SGIP1: variants seen among roughly 807,000 people sequenced by gnomAD.
SGIP1 encodes SH3-containing GRB2-like protein 3-interacting protein 1.
SGIP1 carries 38 observed loss-of-function variants against 107.5 expected under a neutral mutation model. That is an observed-to-expected ratio of 0.35 (90% CI 0.27 to 0.46). The LOEUF (loss-of-function observed/expected upper bound fraction) is 0.46. Among genes scored for constraint, SGIP1 ranks in the 20% least tolerant of loss-of-function variants. The pLI is 1.00. For synonymous variants in SGIP1, 365 were observed against 366.1 expected (o/e 1.00, Z 0.03); for missense variants, 929 against 1,019.5 (o/e 0.91, Z 1.21).
At chr1:66,549,298 G>T (rs2057036835) in intron 1 of SGIP1, among the ~76,000 whole-genome samples, 1 of 151,462 alleles carries the variant, frequency 6.6e-6, no homozygotes. Flanking sequence ...ATTTATTGAG[G>T]TTTCAAATAT....
intron 18 of SGIP1, among the ~76,000 whole-genome samples, chr1:66,711,614 C>T (rs2092925425): frequency 6.6e-6 from 1 of 152,138 alleles, no homozygotes; most frequent in South Asian, 2.1e-4. Flanking sequence ...CACTCTGAGA[C>T]TTTCTGATGT....
chr1:66,591,218 A>G (rs1396720245), intron 1 of SGIP1, among the ~76,000 whole-genome samples: 1 of 152,184 alleles, frequency 6.6e-6, no homozygotes, highest in African/African-American at 2.4e-5. Context: ...TTACCAAACC[A>G]TTTCACCAAC....
At chr1:66,662,440 A>C (rs2081696295) in intron 8 of SGIP1, among the ~76,000 whole-genome samples, 1 of 152,216 alleles carries the variant, frequency 6.6e-6, no homozygotes, top group Admixed American at 6.5e-5. Flanking sequence ...AACATATTGA[A>C]ACACTTTATT....
intron 1 of SGIP1, among the ~76,000 whole-genome samples, chr1:66,537,711 TC>T: frequency 6.6e-6 from 1 of 152,218 alleles, no homozygotes; most frequent in Middle Eastern, 3.4e-3. Context: ...ATTACAATAT[TC>T]AGGATAATTT....
intron 1 of SGIP1, among the ~76,000 whole-genome samples, chr1:66,543,641 T>C (rs1429970664): frequency 6.6e-6 from 1 of 152,268 alleles, no homozygotes; most frequent in African/African-American, 2.4e-5. Context: ...ACACATACAA[T>C]GTGACCATTT....
At chr1:66,657,925 C>A (rs1428470481) in intron 7 of SGIP1, among the ~76,000 whole-genome samples, 1 of 152,048 alleles carries the variant, frequency 6.6e-6, no homozygotes, top group South Asian at 2.1e-4. Flanking sequence ...TTTGTTTTTT[C>A]CTATCTTTGT....
intron 1 of SGIP1, among the ~76,000 whole-genome samples, chr1:66,563,555 G>GA (rs2059249516): frequency 1.3e-5 from 2 of 152,010 alleles, no homozygotes; most frequent in South Asian, 4.1e-4. Flanking sequence ...ACTGTGCTTT[G>GA]ATGATGTTTT....
intron 15 of SGIP1, among the ~76,000 whole-genome samples, chr1:66,685,982 T>C (rs754604577): frequency 2.3e-4 from 35 of 152,242 alleles, no homozygotes; most frequent in Admixed American, 9.2e-4. Flanking sequence ...CATTATGGTC[T>C]AAGAAACACA....
intron 1 of SGIP1, among the ~76,000 whole-genome samples, chr1:66,547,306 T>C (rs898903331): frequency 6.6e-6 from 1 of 152,208 alleles, no homozygotes; most frequent in African/African-American, 2.4e-5. Context: ...GGAATTTTGT[T>C]AAACTGAATA....
Position 66,743,352 on chromosome 1 carries a change from A to G in SGIP1, c.*257A>G, listed in dbSNP as rs1046905745. 9.0e-6 allele frequency: 3 copies of G among 331,960 alleles called. No homozygotes were observed. The highest frequency in any genetic ancestry group is 6.4e-5 in the African/African-American group (3 of 47,236). The allele number at this position is 331,960 out of a possible 1,614,324, so 20.6% of individuals were successfully genotyped here. On this transcript the variant is annotated 3_prime_UTR_variant, in exon 25 of 25. Transcript: ENST00000371037. Reference sequence around the variant, plus strand: ...TATTTGTAAATTGTACTCTCATTCCAGTAAGGCAGTTAGACACTTGAGTTT... The same window carrying G: ...TATTTGTAAATTGTACTCTCATTCCGGTAAGGCAGTTAGACACTTGAGTTT...
At chr1:66,733,693 G>T in intron 20 of SGIP1, 55 bp from the exon 21 acceptor site, 1 of 1,574,692 alleles carries the variant, frequency 6.4e-7, no homozygotes, top group South Asian at 1.2e-5. Context: ...GCTTCGTGTA[G>T]GGTTTATATT....
chr1:66,677,782 C>T (rs2085728978), intron 13 of SGIP1, among the ~76,000 whole-genome samples: 1 of 152,210 alleles, frequency 6.6e-6, no homozygotes, highest in Admixed American at 6.5e-5. Flanking sequence ...TTTCAGTAGA[C>T]TGCCTCTGAA....
intron 1 of SGIP1, among the ~76,000 whole-genome samples, chr1:66,567,162 A>T (rs1455634166): frequency 6.6e-6 from 1 of 151,968 alleles, no homozygotes; most frequent in Non-Finnish European, 1.5e-5. Context: ...CAGCCTCTCC[A>T]GCATCTATTG....
intron 18 of SGIP1, among the ~76,000 whole-genome samples, chr1:66,713,992 C>T (rs1161705096): frequency 3.3e-5 from 5 of 152,044 alleles, no homozygotes; most frequent in African/African-American, 1.2e-4. Flanking sequence ...TGTTTTGTAT[C>T]TCCCTTTGTT....
chr1:66,728,424 A>G (rs910322704), intron 19 of SGIP1, among the ~76,000 whole-genome samples: 6 of 152,210 alleles, frequency 3.9e-5, no homozygotes, highest in Non-Finnish European at 7.3e-5. Context: ...TTCAAAACAC[A>G]TAAAACAAAA....
At chr1:66,612,064 A>G (rs569411700) in intron 1 of SGIP1, among the ~76,000 whole-genome samples, 13 of 152,330 alleles carry the variant, frequency 8.5e-5, no homozygotes, top group African/African-American at 3.1e-4. Flanking sequence ...CAGGCTGCAC[A>G]AGAAGCACGG....
intron 13 of SGIP1, among the ~76,000 whole-genome samples, chr1:66,678,369 C>T (rs2085860601): frequency 6.6e-6 from 1 of 152,240 alleles, no homozygotes; most frequent in African/African-American, 2.4e-5. Context: ...ACACTTAGCA[C>T]AGCACAGGCT....
chr1:66,564,920 C>A (rs1014864069), intron 1 of SGIP1, among the ~76,000 whole-genome samples: 7 of 151,866 alleles, frequency 4.6e-5, no homozygotes, highest in Non-Finnish European at 7.4e-5. Context: ...ATGTAACTAG[C>A]GTAATAGTAA....
chr1:66,582,263 A>G (rs149951228), intron 1 of SGIP1, among the ~76,000 whole-genome samples: 1 of 152,244 alleles, frequency 6.6e-6, no homozygotes, highest in Non-Finnish European at 1.5e-5. Context: ...GTAAAACATT[A>G]TTTGTATAAC....
Sources: allele counts gnomAD v4.1 joint callset (sites outside exome capture counted in the v4.1 genomes callset), GRCh38; gene constraint gnomAD v4.1.1; transcripts MANE v1.5; gene names NCBI Gene and HGNC (gene_info 2026-07-23, HGNC 2026-07-21).